SCFD1: variants seen among roughly 807,000 people sequenced by gnomAD.
SCFD1 encodes the protein sec1 family domain-containing protein 1.
Under a neutral mutation model 103.2 loss-of-function variants are expected in SCFD1, and 37 were observed. The observed-to-expected ratio is 0.36, with a 90% CI of 0.28 to 0.47. The LOEUF is 0.47. Ranked by LOEUF, SCFD1 falls within the 20% of genes least tolerant of loss-of-function variation. The pLI is 1.00. For synonymous variants in SCFD1, 264 were observed against 245.0 expected (o/e 1.08, Z -0.73); for missense variants, 639 against 761.2 (o/e 0.84, Z 1.89).
rs753855653 is a variant in SCFD1 at position 30,670,298 on chromosome 14, G to C, written c.898G>C (p.Val300Leu). 4.4e-6 allele frequency: 7 copies of C among 1,597,574 alleles called. No homozygotes were observed. Among genetic ancestry groups the C allele is most frequent in the South Asian group, 1.1e-5 (1 of 87,594 alleles). The change falls in exon 11 of 25, where the codon GTG becomes CTG. Residue 300 changes from valine to leucine, a missense_variant. Physicochemically the swap from Val to Leu is conservative, Grantham distance 32. Coordinates refer to ENST00000458591, the MANE Select transcript of SCFD1 (RefSeq NM_016106.4). ...GGTTAATTTGGAAGAATCTTCAGGA[G>C]TGGAAAACTCTCCAGCTGGTGCTAG... is the stretch of plus-strand genomic sequence containing the variant. ...NRVNLEESSGVENSPAGARPK... is the reference protein window; with the variant it reads ...NRVNLEESSGLENSPAGARPK...
At chr14:30,708,106 C>A in intron 19 of SCFD1, 41 bp downstream of exon 19, 1 of 1,309,934 alleles carries the variant, frequency 7.6e-7, no homozygotes, top group Non-Finnish European at 1.1e-6. Flanking sequence ...AACTTTTAAA[C>A]ATAAATGTTG....
intron 6 of SCFD1, among the ~76,000 whole-genome samples, chr14:30,640,622 T>G (rs1490780724): frequency 6.6e-6 from 1 of 152,006 alleles, no homozygotes; most frequent in East Asian, 1.9e-4. Context: ...ATCAGAAAAA[T>G]TGGTGTGTTG....
At chr14:30,637,821 T>C (rs1386408650) in intron 4 of SCFD1, among the ~76,000 whole-genome samples, 1 of 152,140 alleles carries the variant, frequency 6.6e-6, no homozygotes, top group Non-Finnish European at 1.5e-5. Context: ...ACTATATTAG[T>C]GGACCATATC....
chr14:30,703,175 A>G (rs2139344833), intron 17 of SCFD1, among the ~76,000 whole-genome samples: 1 of 152,060 alleles, frequency 6.6e-6, no homozygotes, highest in East Asian at 1.9e-4. Context: ...TGAGGAAACA[A>G]TTAACAAATA....
chr14:30,670,347 C>T lies in SCFD1; in HGVS notation c.947C>T (p.Ser316Phe), dbSNP rs747394174. The T allele has an allele frequency of 4.4e-6, 7 of 1,590,668 alleles. No individual in the cohort carries two copies. Among genetic ancestry groups the T allele is most frequent in the East Asian group, 2.3e-5 (1 of 44,106 alleles). ...GARPKRKNKKSYDLTPVDKFW... is the reference protein window; with the variant it reads ...GARPKRKNKKFYDLTPVDKFW... ...AGACCAAAGAGAAAAAACAAGAAGT[C>T]TTATGATTTAACTCCGGTTGATAAA... Residue 316 changes from serine (S) to phenylalanine (F), a missense_variant, in exon 11 of 25, where the codon TCT becomes TTT. Transcript: ENST00000458591.
At chr14:30,733,000 A>ATT (rs757293549) in intron 23 of SCFD1, among the ~76,000 whole-genome samples, 1 of 147,340 alleles carries the variant, frequency 6.8e-6, no homozygotes. Context: ...ATAAAGTTCG[A>ATT]TTTTTTTTTC....
chr14:30,677,631 A>G (rs922232773), intron 14 of SCFD1, among the ~76,000 whole-genome samples: 10 of 145,474 alleles, frequency 6.9e-5, no homozygotes, highest in African/African-American at 1.8e-4. Flanking sequence ...AATTTCTTAT[A>G]ACTTTTCATA....
intron 8 of SCFD1, 51 bp from the exon 9 acceptor site, chr14:30,650,514 C>T: frequency 9.4e-7 from 1 of 1,067,158 alleles, no homozygotes; most frequent in Non-Finnish European, 1.4e-6. Flanking sequence ...AATTAACCTC[C>T]ATAAAGTTAT....
intron 19 of SCFD1, among the ~76,000 whole-genome samples, chr14:30,712,306 C>G (rs749243062): frequency 2.1e-4 from 32 of 152,094 alleles, no homozygotes; most frequent in Non-Finnish European, 3.5e-4. Flanking sequence ...AAGACAGTAG[C>G]AATTCTTGTC....
At chr14:30,710,411 TATC>T (rs1891791289) in intron 19 of SCFD1, among the ~76,000 whole-genome samples, 1 of 151,526 alleles carries the variant, frequency 6.6e-6, no homozygotes, top group African/African-American at 2.4e-5. Flanking sequence ...CATTTTATAT[TATC>T]ATCAAGTAAA....
chr14:30,706,247 A>C (rs1336184423), intron 18 of SCFD1, among the ~76,000 whole-genome samples: 1 of 152,180 alleles, frequency 6.6e-6, no homozygotes, highest in Non-Finnish European at 1.5e-5. Flanking sequence ...GCTGAAACTT[A>C]GATAACATTT....
intron 8 of SCFD1, among the ~76,000 whole-genome samples, chr14:30,650,255 T>A (rs997088483): frequency 1.4e-5 from 2 of 138,840 alleles, no homozygotes; most frequent in African/African-American, 5.8e-5. Flanking sequence ...GATAAAACAG[T>A]CATGCTTAGG....
At chr14:30,672,925 C>T (rs1888691228) in intron 11 of SCFD1, among the ~76,000 whole-genome samples, 2 of 152,002 alleles carry the variant, frequency 1.3e-5, no homozygotes, top group South Asian at 4.1e-4. Flanking sequence ...GACTTGTCTT[C>T]CATTGATTTT....
intron 14 of SCFD1, among the ~76,000 whole-genome samples, chr14:30,678,494 T>G (rs531283648): frequency 2.0e-5 from 3 of 152,328 alleles, no homozygotes; most frequent in Non-Finnish European, 2.9e-5. Flanking sequence ...AAACCCTTTC[T>G]TTAGTTGTTT....
intron 7 of SCFD1, among the ~76,000 whole-genome samples, chr14:30,644,452 T>G (rs1390889047): frequency 6.6e-6 from 1 of 152,212 alleles, no homozygotes; most frequent in Non-Finnish European, 1.5e-5. Flanking sequence ...CTGAACTAAT[T>G]TACATTCCTA....
chr14:30,639,970 A>G (rs1467308806), intron 6 of SCFD1, 106 bp downstream of exon 6: 1 of 1,267,840 alleles, frequency 7.9e-7, no homozygotes, highest in Non-Finnish European at 1.0e-6. Context: ...GCTTGTTTAC[A>G]GCAGTAGAGC....
chr14:30,663,612 C>T (rs1440629734), intron 10 of SCFD1, among the ~76,000 whole-genome samples: 1 of 152,134 alleles, frequency 6.6e-6, no homozygotes, highest in African/African-American at 2.4e-5. Flanking sequence ...TTTATTGTAA[C>T]TCTCTAGTCT....
chr14:30,724,733 T>C (rs1383026733), intron 23 of SCFD1, among the ~76,000 whole-genome samples: 1 of 152,232 alleles, frequency 6.6e-6, no homozygotes, highest in Non-Finnish European at 1.5e-5. Context: ...TAGTTACTTT[T>C]GGTATCTTTG....
intron 24 of SCFD1, chr14:30,735,199 C>T: frequency 3.5e-6 from 1 of 283,778 alleles, no homozygotes; most frequent in Non-Finnish European, 6.5e-6. Flanking sequence ...TTTTAATTCC[C>T]AGGGTTTTTC....
Sources: allele counts gnomAD v4.1 joint callset (sites outside exome capture counted in the v4.1 genomes callset), GRCh38; gene constraint gnomAD v4.1.1; transcripts MANE v1.5; gene names NCBI Gene and HGNC (gene_info 2026-07-23, HGNC 2026-07-21).